The following PEMT variants were observed in gnomAD, a reference collection of about 807,000 sequenced individuals.
PEMT encodes the protein phospholipid methyltransferase.
PEMT carries 23 observed loss-of-function variants against 27.4 expected under a neutral mutation model. The ratio of observed to expected loss-of-function variants is 0.84; its 90% confidence interval spans 0.60 to 1.19. The LOEUF (loss-of-function observed/expected upper bound fraction) is 1.19. Ranked by LOEUF, PEMT falls within the 50% of genes most tolerant of loss-of-function variation. The pLI is 0.00. For synonymous variants in PEMT, 137 were observed against 139.1 expected (o/e 0.98, Z 0.11); for missense variants, 307 against 310.1 (o/e 0.99, Z 0.07).
At chr17:17,589,495 A>G (rs1780140391) in intron 1 of PEMT, among the ~76,000 whole-genome samples, 1 of 152,138 alleles carries the variant, frequency 6.6e-6, no homozygotes, top group Admixed American at 6.5e-5. Flanking sequence ...TTATTTTTCT[A>G]TTTCTTTGCT....
chr17:17,568,368 T>G (rs1910972194), intron 2 of PEMT, among the ~76,000 whole-genome samples: 1 of 152,224 alleles, frequency 6.6e-6, no homozygotes, highest in Non-Finnish European at 1.5e-5. Flanking sequence ...TGAGCTTTCT[T>G]ATTAACCAAA....
At chr17:17,537,761 T>C (rs1908587712) in intron 2 of PEMT, among the ~76,000 whole-genome samples, 1 of 152,224 alleles carries the variant, frequency 6.6e-6, no homozygotes. Context: ...CAGTATGACC[T>C]GTGCCTAGAT....
At chr17:17,541,491 G>A (rs925433244) in intron 2 of PEMT, among the ~76,000 whole-genome samples, 15 of 152,206 alleles carry the variant, frequency 9.9e-5, no homozygotes, top group African/African-American at 2.2e-4. Context: ...CAGCAGCAGC[G>A]GGGCATGGGC....
chr17:17,589,071 C>T (rs997986764), intron 1 of PEMT, among the ~76,000 whole-genome samples: 1 of 152,246 alleles, frequency 6.6e-6, no homozygotes, highest in Non-Finnish European at 1.5e-5. Context: ...AGTGATTCTC[C>T]TGCCTCAGCC....
At chr17:17,575,583 C>T (rs1911529322) in intron 2 of PEMT, among the ~76,000 whole-genome samples, 2 of 152,364 alleles carry the variant, frequency 1.3e-5, no homozygotes, top group South Asian at 2.1e-4. Flanking sequence ...GCCCTGGCTC[C>T]AGAGGCCCAT....
chr17:17,586,272 G>GAA (rs1912289201), intron 1 of PEMT, among the ~76,000 whole-genome samples: 1 of 107,952 alleles, frequency 9.3e-6, no homozygotes, highest in East Asian at 2.9e-4. Flanking sequence ...AAGAAAGAAA[G>GAA]AAAGAAAGAA....
chr17:17,583,996 G>T (rs962312727), intron 1 of PEMT, among the ~76,000 whole-genome samples: 1 of 152,182 alleles, frequency 6.6e-6, no homozygotes, highest in African/African-American at 2.4e-5. Flanking sequence ...ATTAACAAGT[G>T]TGACCTGCAC....
intron 2 of PEMT, among the ~76,000 whole-genome samples, chr17:17,567,936 G>A (rs998236954): frequency 1.3e-5 from 2 of 152,188 alleles, no homozygotes; most frequent in Non-Finnish European, 2.9e-5. Context: ...CTGGATATGC[G>A]GCCATGCCCT....
intron 2 of PEMT, among the ~76,000 whole-genome samples, chr17:17,553,416 A>C (rs977181994): frequency 2.0e-5 from 3 of 152,308 alleles, no homozygotes; most frequent in South Asian, 2.1e-4. Flanking sequence ...AGAAGCCGAC[A>C]AGAGATGGAA....
chr17:17,580,589 T>C (rs1204569197), intron 1 of PEMT, among the ~76,000 whole-genome samples: 1 of 152,138 alleles, frequency 6.6e-6, no homozygotes, highest in African/African-American at 2.4e-5. Context: ...GCTTTGGTCA[T>C]GCCTGGCACT....
intron 1 of PEMT, among the ~76,000 whole-genome samples, chr17:17,580,603 G>A (rs866215762): frequency 4.6e-5 from 7 of 152,080 alleles, no homozygotes; most frequent in South Asian, 2.1e-4. Flanking sequence ...TGGCACTTAC[G>A]AAGTGCACCA....
At chr17:17,584,649 C>T (rs1912146659) in intron 1 of PEMT, among the ~76,000 whole-genome samples, 1 of 152,218 alleles carries the variant, frequency 6.6e-6, no homozygotes, top group South Asian at 2.1e-4. Flanking sequence ...GGGCCCAGGA[C>T]AGAACCTGCT....
chr17:17,547,609 T>C (rs1909348032), intron 2 of PEMT, among the ~76,000 whole-genome samples: 1 of 152,192 alleles, frequency 6.6e-6, no homozygotes, highest in Non-Finnish European at 1.5e-5. Context: ...ATCTCCTGCA[T>C]GGCTCCCCCA....
intron 2 of PEMT, among the ~76,000 whole-genome samples, chr17:17,572,648 T>C (rs768428236): frequency 1.4e-4 from 22 of 152,236 alleles, no homozygotes; most frequent in Non-Finnish European, 5.9e-5. Context: ...GGCAGTGCTA[T>C]ACATTCATTC....
chr17:17,524,644 A>T (rs563356673), intron 2 of PEMT, among the ~76,000 whole-genome samples: 1 of 152,006 alleles, frequency 6.6e-6, no homozygotes, highest in East Asian at 1.9e-4. Context: ...TAGCCAGAAG[A>T]TTGCCTGAGC....
chr17:17,576,842 C>T, intron 2 of PEMT, 78 bp downstream of exon 2: 1 of 1,184,750 alleles, frequency 8.4e-7, no homozygotes, highest in East Asian at 2.4e-5. Context: ...CCAGCAGCAA[C>T]CACCGCGATC....
intron 1 of PEMT, among the ~76,000 whole-genome samples, chr17:17,580,039 A>C (rs1407267641): frequency 1.3e-5 from 2 of 152,122 alleles, no homozygotes; most frequent in African/African-American, 4.8e-5. Flanking sequence ...GCCGCTCATG[A>C]AGGACAACTG....
intron 1 of PEMT, among the ~76,000 whole-genome samples, chr17:17,588,474 A>G (rs1341800464): frequency 6.6e-6 from 1 of 152,062 alleles, no homozygotes; most frequent in Non-Finnish European, 1.5e-5. Flanking sequence ...TGCCTTCTTG[A>G]GGACCACCCT....
At chr17:17,568,255 G>T (rs1051103687) in intron 2 of PEMT, among the ~76,000 whole-genome samples, 4 of 152,124 alleles carry the variant, frequency 2.6e-5, no homozygotes, top group Non-Finnish European at 5.9e-5. Context: ...GCCAAGTGCT[G>T]CCCTGCCTAT....
Sources: allele counts gnomAD v4.1 joint callset (sites outside exome capture counted in the v4.1 genomes callset), GRCh38; gene constraint gnomAD v4.1.1; transcripts MANE v1.5; gene names NCBI Gene and HGNC (gene_info 2026-07-23, HGNC 2026-07-21).